The following LCOR variants were observed in gnomAD, a reference collection of about 807,000 sequenced individuals.
LCOR encodes the protein ligand-dependent corepressor.
Under a neutral mutation model 64.4 loss-of-function variants are expected in LCOR, and 14 were observed. That is an observed-to-expected ratio of 0.22 (90% confidence interval 0.14 to 0.34). LCOR has a LOEUF of 0.34. Ranked by LOEUF, LCOR falls within the 10% of genes least tolerant of loss-of-function variation. LCOR has a pLI of 1.00. For synonymous variants in LCOR, 643 were observed against 642.5 expected, an observed-to-expected ratio of 1.00 and a Z score of -0.01; for missense variants, 1,686 against 1,765.3, an observed-to-expected ratio of 0.96 and a Z score of 0.80.
At position 96,832,420 on chromosome 10, in the gene LCOR, C is replaced by T. The variant is rs1163990726; in HGVS notation, c.-404+21C>T. On this transcript the variant is annotated intron_variant, in intron 1 of 7. Transcript: ENST00000421806. ...TGTAGGTGAGACCCTCCGCCGACCG[C>T]CGCCGCCCCTCCGGCCGCCCCGCCG... 8.5e-6 allele frequency: 8 copies of T among 945,500 alleles called. No homozygotes were observed. The East Asian group carries it at 8.1e-4, about 96-fold the overall frequency. The allele number at this position is 945,500 out of a possible 1,614,324, so 58.6% of individuals were successfully genotyped here.
chr10:96,934,274 T>G lies in LCOR; in HGVS notation c.-183-9839T>G, dbSNP rs141022571. On this transcript the variant is annotated intron_variant, in intron 4 of 7. Coordinates refer to ENST00000421806, the MANE Select transcript of LCOR (RefSeq NM_001346516.2). ...CCATTAAGTAAACAGTATAGGACTA[T>G]GAGAGATGGAGGAAACCCTTTGGGT... is the stretch of plus-strand genomic sequence containing the variant. 4.1e-3 allele frequency among the ~76,000 whole-genome samples: 626 copies of G among 152,364 alleles called. 1 individual carries two copies. Among genetic ancestry groups the G allele is most frequent in the Non-Finnish European group, 6.6e-3 (450 of 68,040 alleles).
intron 2 of LCOR, among the ~76,000 whole-genome samples, chr10:96,863,983 T>C (rs1845931038): frequency 6.6e-6 from 1 of 152,216 alleles, no homozygotes; most frequent in Non-Finnish European, 1.5e-5. Context: ...AATGTCACTT[T>C]GTATGTTTAC....
chr10:96,861,004 C>T (rs549908426), intron 2 of LCOR, among the ~76,000 whole-genome samples: 8 of 152,096 alleles, frequency 5.3e-5, no homozygotes, highest in South Asian at 4.1e-4. Flanking sequence ...ATAACTTGAA[C>T]GATATTTCTG....
chr10:96,938,021 G>C (rs1370543202), intron 4 of LCOR, among the ~76,000 whole-genome samples: 1 of 152,152 alleles, frequency 6.6e-6, no homozygotes, highest in African/African-American at 2.4e-5. Context: ...GCACAATCAT[G>C]GCTCACTGCA....
chr10:96,979,002 G>A (rs1224167928), intron 7 of LCOR, among the ~76,000 whole-genome samples: 1 of 152,210 alleles, frequency 6.6e-6, no homozygotes, highest in Non-Finnish European at 1.5e-5. Flanking sequence ...GATAGTAAAT[G>A]TCAGAGCCAA....
At chr10:96,837,402 C>T (rs534675911) in intron 2 of LCOR, among the ~76,000 whole-genome samples, 3 of 152,062 alleles carry the variant, frequency 2.0e-5, no homozygotes, top group Non-Finnish European at 2.9e-5. Flanking sequence ...ATTACAGGCT[C>T]GTGCCACCAC....
chr10:96,957,205 A>AT (rs1354952020), intron 7 of LCOR: 6 of 983,652 alleles, frequency 6.1e-6, no homozygotes, highest in Non-Finnish European at 7.2e-6. Context: ...GTTGGTTAGA[A>AT]TTTTTTTCTG....
At chr10:96,979,334 C>T (rs1292245309) in intron 7 of LCOR, among the ~76,000 whole-genome samples, 1 of 152,198 alleles carries the variant, frequency 6.6e-6, no homozygotes, top group Admixed American at 6.5e-5. Context: ...TTATATAAAA[C>T]TCCAGGAAAT....
chr10:96,871,669 G>A (rs1262403859), intron 2 of LCOR, among the ~76,000 whole-genome samples: 1 of 151,532 alleles, frequency 6.6e-6, no homozygotes, highest in Non-Finnish European at 1.5e-5. Flanking sequence ...AAAGCAAATC[G>A]GCATGCCTTG....
intron 2 of LCOR, among the ~76,000 whole-genome samples, chr10:96,896,222 G>C (rs1319291265): frequency 6.6e-6 from 1 of 152,162 alleles, no homozygotes; most frequent in Non-Finnish European, 1.5e-5. Flanking sequence ...TGTGGGTTGA[G>C]GAGGGATCTC....
Position 96,983,075 on chromosome 10 carries a change from C to T in LCOR, c.2615C>T (p.Pro872Leu). The T allele has an allele frequency of 6.2e-7, 1 of 1,613,686 alleles. No individual in the cohort carries two copies. Among genetic ancestry groups the T allele is most frequent in the East Asian group, 2.2e-5 (1 of 44,850 alleles). The change falls in exon 8 of 8, where the codon CCT becomes CTT. Residue 872 changes from proline to leucine, a missense_variant. Around this residue, in one of 3 missense-constraint regions of LCOR, gnomAD observed 1,293 missense variants for 1,410.4 expected, o/e 0.92. Coordinates refer to ENST00000421806, the MANE Select transcript of LCOR (RefSeq NM_001346516.2). The surrounding 1 kb of genome is among the most constrained non-coding windows in gnomAD (Gnocchi z 4.5). The part of the protein sequence containing the change: ...PGGTTPKGLL[P>L]DSFHTETLED... Reference sequence around the variant, plus strand: ...GGGACAACACCTAAGGGCCTTCTACCTGACAGTTTCCACACGGAAACTCTG... The same window carrying T: ...GGGACAACACCTAAGGGCCTTCTACTTGACAGTTTCCACACGGAAACTCTG...
rs114974972 is a variant in LCOR at position 96,850,709 on chromosome 10, A to G, written c.-330+17230A>G. On this transcript the variant is annotated intron_variant, in intron 2 of 7. Transcript: ENST00000421806. Reference sequence around the variant, plus strand: ...AAGCAGTCCTCTCACCTGTCTCCCAAAGTGCTGGGATTACAGGCATGAGCG... The same window carrying G: ...AAGCAGTCCTCTCACCTGTCTCCCAGAGTGCTGGGATTACAGGCATGAGCG... Among the ~76,000 whole-genome samples, 438 of 152,144 alleles carry G rather than the reference A, an allele frequency of 2.9e-3. 6 individuals carry two copies. Among genetic ancestry groups the G allele is most frequent in the African/African-American group, 9.4e-3 (389 of 41,534 alleles).
Position 96,993,256 on chromosome 10 carries a change from A to G in LCOR, c.*8122A>G, listed in dbSNP as rs1271416698. 6.6e-6 allele frequency: 1 copy of G among 152,240 alleles called. No individual in the cohort carries two copies. The highest frequency in any genetic ancestry group is 1.5e-5 in the Non-Finnish European group (1 of 68,050). 9.4% of individuals were successfully genotyped at this position (152,240 alleles called of 1,614,324 possible). A position where few individuals can be genotyped will look rare whatever the true frequency, so the allele number is the denominator to read the frequency against. On this transcript the variant is annotated 3_prime_UTR_variant, in exon 8 of 8. Transcript: ENST00000421806. Reference sequence around the variant, plus strand: ...AGGGGTTTTGTCATCCATTTGAACCATAATTTGCATATTTTCTTACGGCCT... The same window carrying G: ...AGGGGTTTTGTCATCCATTTGAACCGTAATTTGCATATTTTCTTACGGCCT...
chr10:96,871,217 C>CT (rs113618273), intron 2 of LCOR, among the ~76,000 whole-genome samples: 21,184 of 139,916 alleles, frequency 0.15, 2,122 homozygotes, highest in African/African-American at 0.29. Flanking sequence ...CCACACCTGG[C>CT]TTTTTTTTTT....
intron 2 of LCOR, among the ~76,000 whole-genome samples, chr10:96,841,228 T>A (rs1211288740): frequency 6.6e-6 from 1 of 152,210 alleles, no homozygotes; most frequent in African/African-American, 2.4e-5. Context: ...AAGAATTTTT[T>A]AAATGTGCAG....
chr10:96,945,339 C>T (rs1380717311), intron 5 of LCOR, among the ~76,000 whole-genome samples: 1 of 152,096 alleles, frequency 6.6e-6, no homozygotes, highest in East Asian at 1.9e-4. Flanking sequence ...TTCCAAAAGG[C>T]GGTGTGAAGT....
intron 4 of LCOR, among the ~76,000 whole-genome samples, chr10:96,926,691 A>C (rs573713280): frequency 6.6e-6 from 1 of 152,160 alleles, no homozygotes; most frequent in Non-Finnish European, 1.5e-5. Flanking sequence ...AGAAGTTTGT[A>C]TGTGCCCTTT....
chr10:96,982,656 G>T lies in LCOR; in HGVS notation c.2196G>T (p.Glu732Asp), dbSNP rs1848102673. The change falls in exon 8 of 8, where the codon GAG becomes GAT. Residue 732 changes from glutamate (E) to aspartate (D), a missense_variant. Around this residue, in one of 3 missense-constraint regions of LCOR, gnomAD observed 1,293 missense variants for 1,410.4 expected, o/e 0.92. Transcript: ENST00000421806. Reference sequence around the variant, plus strand: ...AGGACAACCAAAGCATCAGTGCTGAGGTTGAGTCTGGAGACACCCAGGAGC... The same window carrying T: ...AGGACAACCAAAGCATCAGTGCTGATGTTGAGTCTGGAGACACCCAGGAGC... Reference protein sequence around the residue: ...KAEDNQSISAEVESGDTQELN... With the variant: ...KAEDNQSISADVESGDTQELN... 1 of 1,614,168 alleles carries T rather than the reference G, an allele frequency of 6.2e-7. No individual in the cohort carries two copies. The highest frequency in any genetic ancestry group is 1.1e-5 in the South Asian group (1 of 91,078).
intron 4 of LCOR, among the ~76,000 whole-genome samples, chr10:96,939,348 T>G (rs1847407517): frequency 6.6e-6 from 1 of 152,184 alleles, no homozygotes; most frequent in South Asian, 2.1e-4. Flanking sequence ...TACACAAAAT[T>G]AACTTGACAT....
Sources: gnomAD v4.1 joint callset for allele counts (sites outside exome capture counted in the v4.1 genomes callset) on GRCh38, gnomAD v4.1.1 for gene constraint, gnomAD v4.1.1 regional missense constraint, Gnocchi (gnomAD v3.1) non-coding constraint, MANE v1.5 for transcripts, NCBI Gene and HGNC (gene_info 2026-07-23, HGNC 2026-07-21) for gene names.